PLB1: variants seen among roughly 807,000 people sequenced by gnomAD.
The protein encoded by PLB1 is phospholipase B1, also known as phospholipase B1, membrane-associated.
Under a neutral mutation model 227.4 loss-of-function variants are expected in PLB1, and 242 were observed. That is an observed-to-expected ratio of 1.06 (90% CI 0.96 to 1.18). The LOEUF (loss-of-function observed/expected upper bound fraction) is 1.18. PLB1 is among the 50% of genes most tolerant of loss of function. PLB1 has a pLI of 0.00. For missense variants in PLB1, 1,858 were observed against 1,816.3 expected (o/e 1.02, Z -0.42); for synonymous variants, 757 against 682.2 (o/e 1.11, Z -1.71).
intron 35 of PLB1, 48 bp downstream of exon 35, chr2:28,598,808 G>A (rs1279052176): frequency 6.8e-7 from 1 of 1,478,844 alleles, no homozygotes; most frequent in South Asian, 1.1e-5. Context: ...GGAGTGGAAT[G>A]TGGATAGTAC....
Position 28,640,933 on chromosome 2 carries a change from C to G in PLB1, c.4105C>G (p.Pro1369Ala), listed in dbSNP as rs545052879. 3.7e-6 allele frequency: 6 copies of G among 1,613,526 alleles called. No individual in the cohort carries two copies. Among genetic ancestry groups the G allele is most frequent in the African/African-American group, 1.3e-5 (1 of 75,006 alleles). ...AIALWNNMLE[P>A]VGRKTTSNNF... The stretch of plus-strand genomic sequence containing the variant: ...GTCCTTTCTCTCTCTCCAGCTGGAA[C>G]CAGTGGGCCGCAAGACTACCTCCAA... Residue 1369 changes from proline to alanine, a missense_variant, in exon 57 of 58, where the codon CCA (proline) becomes GCA (alanine). Physicochemically the swap from Pro to Ala is conservative, Grantham distance 27. Coordinates refer to ENST00000327757, the MANE Select transcript of PLB1 (RefSeq NM_153021.5).
At chr2:28,572,285 T>A (rs1364702507) in intron 20 of PLB1, among the ~76,000 whole-genome samples, 1 of 152,228 alleles carries the variant, frequency 6.6e-6, no homozygotes, top group African/African-American at 2.4e-5. Flanking sequence ...ATTGAAGCCC[T>A]TGTAAACTGC....
intron 8 of PLB1, among the ~76,000 whole-genome samples, chr2:28,531,521 G>A (rs1434762509): frequency 2.0e-5 from 3 of 152,172 alleles, no homozygotes; most frequent in Non-Finnish European, 2.9e-5. Flanking sequence ...ATGTTGGTCA[G>A]GCTGGTCTCG....
Position 28,525,241 on chromosome 2 carries a change from G to A in PLB1, c.244-26G>A, listed in dbSNP as rs553772813. On this transcript the variant is annotated intron_variant, in intron 4 of 57. Coordinates refer to ENST00000327757, the MANE Select transcript of PLB1 (RefSeq NM_153021.5). ...AGGCTCTGCCACCTCCCCTGGCTGG[G>A]TGTTAACATTGAGTATCTATTCCAG... is the stretch of plus-strand genomic sequence containing the variant. The A allele has an allele frequency of 3.7e-6, 6 of 1,611,178 alleles. No individual in the cohort carries two copies. The Admixed American group carries it at 6.7e-5, about 18-fold the overall frequency.
At chr2:28,525,418 C>A in intron 5 of PLB1, 111 bp downstream of exon 5, 5 of 1,174,948 alleles carry the variant, frequency 4.3e-6, no homozygotes, top group Non-Finnish European at 6.1e-6. Context: ...CAGTGCCTTG[C>A]TCAAGGCTAC....
chr2:28,624,468 T>A lies in PLB1; in HGVS notation c.3528-589T>A, dbSNP rs111725156. On this transcript the variant is annotated intron_variant, in intron 49 of 57. Coordinates refer to ENST00000327757, the MANE Select transcript of PLB1 (RefSeq NM_153021.5). ...AGAACACCAAATGGTATTGTTTTATTTATGGCAGACATCAGGGGATGAAGG... is the reference window on the plus strand; with the variant it reads ...AGAACACCAAATGGTATTGTTTTATATATGGCAGACATCAGGGGATGAAGG... 7.2e-4 allele frequency among the ~76,000 whole-genome samples: 110 copies of A among 152,260 alleles called. 2 individuals carry two copies. The highest frequency in any genetic ancestry group is 2.6e-3 in the African/African-American group (109 of 41,552).
At chr2:28,631,225 C>T (rs1011685182) in intron 54 of PLB1, among the ~76,000 whole-genome samples, 5 of 152,064 alleles carry the variant, frequency 3.3e-5, no homozygotes, top group African/African-American at 9.7e-5. Context: ...TTCTCCTTGC[C>T]CTCTCTCTGC....
rs1666407600 is a variant in PLB1 at position 28,496,160 on chromosome 2, C to T, written c.46C>T (p.Leu16=). The T allele has an allele frequency of 1.2e-6, 2 of 1,614,098 alleles. No homozygotes were observed. Among genetic ancestry groups the T allele is most frequent in the Admixed American group, 1.7e-5 (1 of 60,018 alleles). ...TTTCCTCCTGGAGCTGCTGCTGCTTCTGGGGCAAGGTAAGCGTGCCTTTTG... is the reference window on the plus strand; with the variant it reads ...TTTCCTCCTGGAGCTGCTGCTGCTTTTGGGGCAAGGTAAGCGTGCCTTTTG... The part of the protein sequence containing the change: ...GIFLLELLLL[L]GQGTPQIHTS... The change falls in exon 1 of 58, where the codon CTG becomes TTG. Residue 16 remains leucine (L), a synonymous_variant. Transcript: ENST00000327757.
intron 47 of PLB1, 27 bp downstream of exon 47, chr2:28,620,359 A>G (rs757030020): frequency 2.6e-5 from 41 of 1,561,680 alleles, no homozygotes; most frequent in Admixed American, 5.4e-5. Flanking sequence ...TGCATGCTCT[A>G]TTGATGATGC....
At chr2:28,594,650 C>T (rs1682597175) in intron 33 of PLB1, 1 of 152,518 alleles carries the variant, frequency 6.6e-6, no homozygotes, top group Non-Finnish European at 1.5e-5. Flanking sequence ...GTTTCCAGGG[C>T]GAGAGGGAGG....
chr2:28,529,889 A>G (rs1670793843), intron 8 of PLB1, 110 bp downstream of exon 8: 2 of 965,656 alleles, frequency 2.1e-6, no homozygotes, highest in East Asian at 2.4e-5. Flanking sequence ...CTCGGCAACT[A>G]GTGTGACCTG....
chr2:28,619,935 G>A (rs1294788568), intron 46 of PLB1, among the ~76,000 whole-genome samples: 2 of 152,152 alleles, frequency 1.3e-5, no homozygotes, highest in Non-Finnish European at 2.9e-5. Context: ...ACTGGAGTCA[G>A]TTCACTCAGG....
At chr2:28,518,338 C>A (rs1669098941) in intron 2 of PLB1, 128 bp from the exon 3 acceptor site, 1 of 723,278 alleles carries the variant, frequency 1.4e-6, no homozygotes, top group South Asian at 1.7e-5. Flanking sequence ...TGACTATGGG[C>A]AATTGTTGTT....
chr2:28,589,859 C>G, intron 28 of PLB1, 89 bp downstream of exon 28: 1 of 1,404,688 alleles, frequency 7.1e-7, no homozygotes, highest in Non-Finnish European at 1.0e-6. Flanking sequence ...GCCCATCGTG[C>G]AGGCCATGTG....
At chr2:28,548,995 T>G (rs1257814262) in intron 15 of PLB1, 64 bp downstream of exon 15, 1 of 1,447,930 alleles carries the variant, frequency 6.9e-7, no homozygotes, top group African/African-American at 1.4e-5. Context: ...GGTGGCCAAG[T>G]GGGCTTTGCT....
At chr2:28,625,386 T>A (rs548976716) in intron 50 of PLB1, among the ~76,000 whole-genome samples, 2 of 152,334 alleles carry the variant, frequency 1.3e-5, no homozygotes, top group African/African-American at 4.8e-5. Context: ...CTTCCTGCTT[T>A]AACCAAGAGG....
chr2:28,551,825 A>G (rs921930959), intron 16 of PLB1, among the ~76,000 whole-genome samples: 1 of 152,260 alleles, frequency 6.6e-6, no homozygotes, highest in Non-Finnish European at 1.5e-5. Context: ...TGAGTTCTAT[A>G]TAAGTATTGC....
At chr2:28,605,174 C>T (rs966831631) in intron 41 of PLB1, among the ~76,000 whole-genome samples, 1 of 152,200 alleles carries the variant, frequency 6.6e-6, no homozygotes, top group Non-Finnish European at 1.5e-5. Context: ...TGGTCTCTCT[C>T]GTGTGCAACG....
chr2:28,590,064 A>G lies in PLB1; in HGVS notation c.2076A>G (p.Thr692=), dbSNP rs1681627335. 8 of 1,612,264 alleles carry G rather than the reference A, an allele frequency of 5.0e-6. No individual in the cohort carries two copies. Among genetic ancestry groups the G allele is most frequent in the Non-Finnish European group, 6.8e-6 (8 of 1,178,450 alleles). The change falls in exon 29 of 58, where the codon ACA becomes ACG. Residue 692 remains threonine, a synonymous_variant. Coordinates refer to ENST00000327757, the MANE Select transcript of PLB1 (RefSeq NM_153021.5). ...RHKFENKINI[T]CPNQVQPFLR... Reference sequence around the variant, plus strand: ...AGTTTGAAAACAAGATCAATATCACATGTCCGAACCAGGTAGAGTGGAAAG... The same window carrying G: ...AGTTTGAAAACAAGATCAATATCACGTGTCCGAACCAGGTAGAGTGGAAAG...
Sources: allele counts gnomAD v4.1 joint callset (sites outside exome capture counted in the v4.1 genomes callset), GRCh38; gene constraint gnomAD v4.1.1; transcripts MANE v1.5; gene names NCBI Gene and HGNC (gene_info 2026-07-23, HGNC 2026-07-21).